Variants in ABCB1 observed in about 807,000 individuals in gnomAD.
ABCB1 encodes the protein ATP-dependent translocase ABCB1.
In ABCB1, 69 loss-of-function variants were observed where a neutral mutation model predicts 142.0. The observed-to-expected ratio is 0.49, with a 90% CI of 0.40 to 0.59. The LOEUF is 0.59. Ranked by LOEUF, ABCB1 falls within the 20% of genes least tolerant of loss-of-function variation. The pLI is 0.00. For missense variants in ABCB1, 1,326 were observed against 1,554.7 expected, an observed-to-expected ratio of 0.85 and a Z score of 2.47; for synonymous variants, 532 against 539.2, an observed-to-expected ratio of 0.99 and a Z score of 0.18.
At chr7:87,519,218 C>T (rs761071267) in intron 23 of ABCB1, 108 bp downstream of exon 23, 5 of 1,126,520 alleles carry the variant, frequency 4.4e-6, no homozygotes, top group Non-Finnish European at 6.6e-6. Flanking sequence ...TTAGGAATCA[C>T]CAGAATCTCT....
At chr7:87,696,381 C>G (rs1390829581) in intron 1 of ABCB1, among the ~76,000 whole-genome samples, 1 of 151,980 alleles carries the variant, frequency 6.6e-6, no homozygotes, top group African/African-American at 2.4e-5. Context: ...CTGTTAAATA[C>G]AGGTTATAGA....
At position 87,568,433 on chromosome 7, in the gene ABCB1, A is replaced by C. The variant is rs1198087910; in HGVS notation, c.339-1457T>G. ...CATCTCAAAAAAAAAAAATGCAAAC[A>C]ATTCTTGGGCTTCACTAAACAATTA... On this transcript the variant is annotated intron_variant, in intron 5 of 27. Transcript: ENST00000622132. Among the ~76,000 whole-genome samples the C allele has an allele frequency of 2.0e-5, 3 of 151,850 alleles. No individual in the cohort carries two copies. The East Asian group carries it at 5.8e-4, about 29-fold the overall frequency.
At chr7:87,568,170 C>T (rs1053695182) in intron 5 of ABCB1, among the ~76,000 whole-genome samples, 15 of 149,240 alleles carry the variant, frequency 1.0e-4, no homozygotes, top group Non-Finnish European at 2.1e-4. Flanking sequence ...CCAAGGTGGG[C>T]GGATCATGAA....
Position 87,545,924 on chromosome 7 carries a change from T to G in ABCB1, c.1826A>C (p.Lys609Thr), listed in dbSNP as rs2129675171. The change falls in exon 15 of 28, where the codon AAA becomes ACA. Residue 609 changes from lysine to threonine, a missense_variant. Transcript: ENST00000622132. ...TTTCATGAGTTCATCATGATTTCCT[T>G]TCTCCACAATGACTCCATCATCGAA... The part of the protein sequence containing the change: ...AGFDDGVIVE[K>T]GNHDELMKEK... 6.2e-7 allele frequency: 1 copy of G among 1,614,196 alleles called. No homozygotes were observed. Among genetic ancestry groups the G allele is most frequent in the East Asian group, 2.2e-5 (1 of 44,884 alleles).
At chr7:87,550,397 A>G (rs1375882518) in intron 11 of ABCB1, 71 bp downstream of exon 11, 11 of 1,604,072 alleles carry the variant, frequency 6.9e-6, no homozygotes, top group Non-Finnish European at 9.4e-6. Context: ...CTTTTTTATA[A>G]TCTCTACAAG....
chr7:87,600,339 C>T (rs2130002997), intron 1 of ABCB1, 149 bp from the exon 2 acceptor site: 2 of 699,406 alleles, frequency 2.9e-6, no homozygotes, highest in East Asian at 2.7e-5. Context: ...GCGATGGGCA[C>T]TGCAGGGGCT....
intron 1 of ABCB1, among the ~76,000 whole-genome samples, chr7:87,704,381 A>G (rs1829411329): frequency 6.6e-6 from 1 of 152,248 alleles, no homozygotes; most frequent in Non-Finnish European, 1.5e-5. Flanking sequence ...TCAAATCAAA[A>G]GTAGGAGAGA....
At chr7:87,614,858 G>T (rs543698071) in intron 1 of ABCB1, among the ~76,000 whole-genome samples, 12 of 151,542 alleles carry the variant, frequency 7.9e-5, no homozygotes, top group African/African-American at 2.4e-4. Flanking sequence ...TGGTGGGGGG[G>T]GCCGGGGAAC....
chr7:87,647,136 C>T (rs950349235), intron 1 of ABCB1, among the ~76,000 whole-genome samples: 3 of 152,096 alleles, frequency 2.0e-5, no homozygotes, highest in Admixed American at 1.3e-4. Context: ...GTATCATTCT[C>T]GTTTCATAGG....
chr7:87,585,152 C>T (rs957265554), intron 4 of ABCB1, among the ~76,000 whole-genome samples: 9 of 152,142 alleles, frequency 5.9e-5, no homozygotes, highest in African/African-American at 1.4e-4. Context: ...GAATCATCCC[C>T]GACTTTTCGT....
intron 1 of ABCB1, among the ~76,000 whole-genome samples, chr7:87,617,772 T>C (rs1028396320): frequency 6.6e-6 from 1 of 152,220 alleles, no homozygotes; most frequent in Non-Finnish European, 1.5e-5. Flanking sequence ...TCTGATCTTG[T>C]AAGCCTTTGG....
Position 87,585,648 on chromosome 7 carries a change from A to G in ABCB1, c.150T>C (p.Tyr50=), listed in dbSNP as rs748589882. The G allele has an allele frequency of 3.1e-6, 5 of 1,613,998 alleles. No individual in the cohort carries two copies. Among genetic ancestry groups the G allele is most frequent in the Non-Finnish European group, 4.2e-6 (5 of 1,179,920 alleles). The change falls in exon 4 of 28, where the codon TAT becomes TAC. Residue 50 remains tyrosine (Y), a synonymous_variant. Transcript: ENST00000622132. The part of the protein sequence containing the change: ...FRYSNWLDKL[Y]MVVGTLAAII... ...TGGCAGCCAAAGTTCCCACCACCAT[A>G]TACAACTTGTCAAGCCAATTTGAAT...
intron 1 of ABCB1, among the ~76,000 whole-genome samples, chr7:87,614,654 T>A (rs1584924244): frequency 1.3e-5 from 2 of 152,336 alleles, no homozygotes; most frequent in East Asian, 3.9e-4. Flanking sequence ...AACTGAGATG[T>A]GTTAATAGAC....
chr7:87,519,247 G>T (rs1457849214), intron 23 of ABCB1, 79 bp downstream of exon 23: 10 of 1,393,394 alleles, frequency 7.2e-6, no homozygotes, highest in Non-Finnish European at 3.0e-6. Flanking sequence ...CTTCACAGTA[G>T]GGTTTCCTAT....
chr7:87,602,615 G>A (rs979289598), upstream of ABCB1, among the ~76,000 whole-genome samples: 1 of 152,002 alleles, frequency 6.6e-6, no homozygotes. Flanking sequence ...AACAGTGCAG[G>A]ATATAAATAC....
intron 8 of ABCB1, among the ~76,000 whole-genome samples, chr7:87,560,110 C>T (rs918225239): frequency 6.6e-6 from 1 of 152,040 alleles, no homozygotes; most frequent in Non-Finnish European, 1.5e-5. Flanking sequence ...GTAACCTTAC[C>T]ACCCCCATTA....
chr7:87,519,042 GC>G lies in ABCB1; in HGVS notation c.2927+283del, dbSNP rs145107363. The G allele has an allele frequency of 1.9e-3, 897 of 480,442 alleles. 4 individuals carry two copies. The highest frequency in any genetic ancestry group is 0.016 in the African/African-American group (846 of 51,484). The allele number at this position is 480,442 out of a possible 1,614,324, so 29.8% of individuals were successfully genotyped here. ...CTCAGGGCTAGGCTTCTTCCCAAATGCCAAGGCCTTCTCAAAATCTCCGAAT... is the reference window on the plus strand; with the variant it reads ...CTCAGGGCTAGGCTTCTTCCCAAATGCAAGGCCTTCTCAAAATCTCCGAAT... On this transcript the variant is annotated intron_variant, in intron 23 of 27. Coordinates refer to ENST00000622132, the MANE Select transcript of ABCB1 (RefSeq NM_001348946.2).
chr7:87,629,910 G>A (rs1821030781), intron 1 of ABCB1, among the ~76,000 whole-genome samples: 1 of 148,048 alleles, frequency 6.8e-6, no homozygotes, highest in Non-Finnish European at 1.5e-5. Context: ...ACCACAGGGG[G>A]AGACTTCGTC....
intron 14 of ABCB1, among the ~76,000 whole-genome samples, chr7:87,548,695 G>A (rs535373751): frequency 3.6e-4 from 55 of 152,198 alleles, no homozygotes; most frequent in African/African-American, 1.2e-3. Flanking sequence ...AATTATCCCC[G>A]TTACTATCAC....
Sources: gnomAD v4.1 joint callset for allele counts (sites outside exome capture counted in the v4.1 genomes callset) on GRCh38, gnomAD v4.1.1 for gene constraint, MANE v1.5 for transcripts, NCBI Gene and HGNC (gene_info 2026-07-23, HGNC 2026-07-21) for gene names.